USP48: variants seen among roughly 807,000 people sequenced by gnomAD.
USP48 encodes ubiquitin specific peptidase 48.
A neutral mutation model predicts 150.7 loss-of-function variants in USP48; 43 were observed. That is an observed-to-expected ratio of 0.29 (90% CI 0.22 to 0.37). USP48 has a LOEUF of 0.37. USP48 is among the 10% of genes least tolerant of loss of function. The pLI is 1.00. For missense variants in USP48, 813 were observed against 1,249.6 expected (o/e 0.65, Z 5.27); for synonymous variants, 396 against 425.9 (o/e 0.93, Z 0.86).
chr1:21,770,966 A>C (rs568312528), intron 1 of USP48, among the ~76,000 whole-genome samples: 1 of 151,670 alleles, frequency 6.6e-6, no homozygotes, highest in Non-Finnish European at 1.5e-5. Context: ...CTACTAAAAA[A>C]TACAAAAAAA....
intron 23 of USP48, among the ~76,000 whole-genome samples, chr1:21,694,608 C>CAAAAAAAAAAAAA (rs1491189889): frequency 3.5e-5 from 1 of 28,982 alleles, no homozygotes; most frequent in Non-Finnish European, 6.5e-5. Context: ...AAAAAAAAAA[C>CAAAAAAAAAAAAA]CCCCTCTATC....
At chr1:21,769,904 C>T (rs956375770) in intron 1 of USP48, among the ~76,000 whole-genome samples, 15 of 152,124 alleles carry the variant, frequency 9.9e-5, no homozygotes, top group African/African-American at 3.4e-4. Context: ...AAAAAGGACA[C>T]TAAAATATAT....
chr1:21,752,467 T>C, intron 5 of USP48, 60 bp downstream of exon 5: 1 of 1,581,846 alleles, frequency 6.3e-7, no homozygotes, highest in Non-Finnish European at 8.5e-7. Flanking sequence ...GAAAAATAGT[T>C]AACATATGAG....
At chr1:21,758,281 TA>T (rs2097841976) in intron 1 of USP48, among the ~76,000 whole-genome samples, 1 of 150,992 alleles carries the variant, frequency 6.6e-6, no homozygotes, top group African/African-American at 2.4e-5. Flanking sequence ...CAGGACACAT[TA>T]TTAAGTAAAA....
In USP48 at chr1:21,706,630, C is replaced by A. The variant is rs773522438; in HGVS notation, c.2089-41G>T. 16 of 1,613,712 alleles carry A rather than the reference C, an allele frequency of 9.9e-6. No individual in the cohort carries two copies. The South Asian group carries it at 1.6e-4, about 17-fold the overall frequency. Reference sequence around the variant, plus strand: ...GCAATCAACTGTCTCCTGCTGACAGCACATGACCTGCCTCCTCCCTACACC... The same window carrying A: ...GCAATCAACTGTCTCCTGCTGACAGAACATGACCTGCCTCCTCCCTACACC... On this transcript the variant is annotated intron_variant, in intron 16 of 26. Coordinates refer to ENST00000308271, the MANE Select transcript of USP48 (RefSeq NM_032236.8).
intron 14 of USP48, 144 bp downstream of exon 14, chr1:21,720,892 C>T: frequency 9.4e-7 from 1 of 1,068,124 alleles, no homozygotes; most frequent in Non-Finnish European, 1.4e-6. Flanking sequence ...TGCAGTGGGG[C>T]TGGCACAACC....
intron 11 of USP48, chr1:21,727,918 C>T (rs2097743811): frequency 1.0e-6 from 1 of 984,066 alleles, no homozygotes; most frequent in Non-Finnish European, 1.2e-6. Flanking sequence ...AGGAATTAGG[C>T]TTGGGGAATT....
intron 9 of USP48, among the ~76,000 whole-genome samples, chr1:21,733,380 G>A (rs1010908608): frequency 1.1e-4 from 16 of 151,958 alleles, no homozygotes. Flanking sequence ...TCGCGCCATT[G>A]CACTCCAGCC....
At chr1:21,737,390 C>T (rs190913223) in intron 8 of USP48, among the ~76,000 whole-genome samples, 10 of 152,258 alleles carry the variant, frequency 6.6e-5, no homozygotes, top group Admixed American at 4.6e-4. Context: ...CAGATTTCTT[C>T]GTATTTTAAG....
At chr1:21,775,774 G>A (rs1401573576) in intron 1 of USP48, among the ~76,000 whole-genome samples, 2 of 152,162 alleles carry the variant, frequency 1.3e-5, no homozygotes, top group Non-Finnish European at 2.9e-5. Flanking sequence ...TGGGCATGGT[G>A]ACATGCACTT....
At chr1:21,736,349 G>T in intron 9 of USP48, 97 bp downstream of exon 9, 1 of 1,225,410 alleles carries the variant, frequency 8.2e-7, no homozygotes, top group Non-Finnish European at 1.1e-6. Context: ...TTGATAGTCT[G>T]TAACATAACA....
chr1:21,691,016 T>A (rs561593209), intron 23 of USP48, among the ~76,000 whole-genome samples: 1 of 152,168 alleles, frequency 6.6e-6, no homozygotes, highest in Admixed American at 6.5e-5. Context: ...TCTGGCCAAG[T>A]GTTAAAAATT....
intron 19 of USP48, 34 bp from the exon 20 acceptor site, chr1:21,704,426 C>T (rs768593069): frequency 6.4e-7 from 1 of 1,567,226 alleles, no homozygotes. Context: ...TGCCTTAAGA[C>T]ACATGGAAAT....
chr1:21,683,701 T>G (rs995745215), intron 25 of USP48, among the ~76,000 whole-genome samples: 1 of 152,230 alleles, frequency 6.6e-6, no homozygotes, highest in African/African-American at 2.4e-5. Context: ...TTTTGAAATA[T>G]ACAACATATC....
intron 3 of USP48, among the ~76,000 whole-genome samples, 196 bp downstream of exon 3, chr1:21,756,350 G>A (rs182428893): frequency 2.6e-5 from 4 of 151,538 alleles, no homozygotes; most frequent in Admixed American, 6.6e-5. Context: ...GCGTGGTGGC[G>A]GGCGCCTGTA....
intron 11 of USP48, 54 bp downstream of exon 11, chr1:21,728,516 T>C (rs370077160): frequency 2.6e-4 from 408 of 1,571,502 alleles, no homozygotes; most frequent in Non-Finnish European, 3.4e-4. Flanking sequence ...TTTGTGAACA[T>C]AAAAAAACAA....
At chr1:21,724,419 A>G (rs1362763921) in intron 11 of USP48, 1 of 495,834 alleles carries the variant, frequency 2.0e-6, no homozygotes, top group Non-Finnish European at 3.6e-6. Flanking sequence ...CAGGACACCC[A>G]TGTTTGTTGA....
At position 21,680,293 on chromosome 1, in the gene USP48, C is replaced by T. The variant is rs368955986; in HGVS notation, c.3085+515G>A. On this transcript the variant is annotated intron_variant, in intron 26 of 26. Transcript: ENST00000308271. ...TGACTTCTTGAATATTATCGGTGTG[C>T]ACAACTACATGGCCCAGATGTAGTA... Among the ~76,000 whole-genome samples the T allele has an allele frequency of 5.6e-4, 85 of 152,314 alleles. No individual in the cohort carries two copies. The East Asian group carries it at 5.6e-3, about 10-fold the overall frequency.
At chr1:21,753,653 C>G (rs1182905663) in intron 3 of USP48, among the ~76,000 whole-genome samples, 1 of 151,164 alleles carries the variant, frequency 6.6e-6, no homozygotes. Context: ...ATGGTAAAAC[C>G]CTGTCTCTAC....
Sources: gnomAD v4.1 joint callset for allele counts (sites outside exome capture counted in the v4.1 genomes callset) on GRCh38, gnomAD v4.1.1 for gene constraint, MANE v1.5 for transcripts, NCBI Gene and HGNC (gene_info 2026-07-23, HGNC 2026-07-21) for gene names.